CNTN6: variants seen among roughly 807,000 people sequenced by gnomAD.
CNTN6 encodes the protein contactin-6.
A neutral mutation model predicts 122.8 loss-of-function variants in CNTN6; 137 were observed. The ratio of observed to expected loss-of-function variants is 1.12; its 90% CI spans 0.97 to 1.29. CNTN6 has a LOEUF of 1.29. CNTN6 is among the 50% of genes most tolerant of loss of function. The pLI, the probability that CNTN6 is intolerant of heterozygous loss-of-function variation, is 0.00. For missense variants in CNTN6, 1,634 were observed against 1,223.4 expected (o/e 1.34, Z -5.01); for synonymous variants, 570 against 426.0 (o/e 1.34, Z -4.16).
intron 1 of CNTN6, among the ~76,000 whole-genome samples, chr3:1,114,823 T>G (rs1055387729): frequency 2.0e-5 from 3 of 152,056 alleles, no homozygotes; most frequent in Non-Finnish European, 4.4e-5. Flanking sequence ...CAATGAAACA[T>G]AGGAGAAAAA....
At chr3:1,245,041 C>T (rs949792739) in intron 4 of CNTN6, among the ~76,000 whole-genome samples, 20 of 148,422 alleles carry the variant, frequency 1.3e-4, no homozygotes, top group Non-Finnish European at 2.7e-4. Flanking sequence ...TGGATGTATA[C>T]GTGCAAGTTA....
intron 2 of CNTN6, among the ~76,000 whole-genome samples, chr3:1,194,962 A>G (rs919115331): frequency 1.3e-5 from 2 of 152,152 alleles, no homozygotes; most frequent in Non-Finnish European, 2.9e-5. Context: ...AGATTAAAAA[A>G]AAAGACTCCC....
At chr3:1,288,665 T>C (rs929132016) in intron 5 of CNTN6, among the ~76,000 whole-genome samples, 1 of 152,262 alleles carries the variant, frequency 6.6e-6, no homozygotes, top group African/African-American at 2.4e-5. Flanking sequence ...CAATAGAAGT[T>C]GTCAGTATCA....
chr3:1,399,651 C>T (rs897614112), intron 20 of CNTN6, among the ~76,000 whole-genome samples: 2 of 151,978 alleles, frequency 1.3e-5, no homozygotes, highest in Admixed American at 1.3e-4. Flanking sequence ...CTGCCCAGAG[C>T]CCAGTGCATA....
intron 1 of CNTN6, among the ~76,000 whole-genome samples, chr3:1,138,194 A>G (rs997428859): frequency 1.3e-5 from 2 of 152,224 alleles, no homozygotes; most frequent in Non-Finnish European, 2.9e-5. Context: ...GTGTAGTTAC[A>G]CAAGTGCAGG....
chr3:1,132,929 A>T (rs976032484), intron 1 of CNTN6, among the ~76,000 whole-genome samples: 1 of 152,156 alleles, frequency 6.6e-6, no homozygotes, highest in Non-Finnish European at 1.5e-5. Context: ...ACTCAAAATT[A>T]TTATTGCTTC....
chr3:1,346,741 C>T (rs924510548), intron 11 of CNTN6, among the ~76,000 whole-genome samples: 4 of 151,990 alleles, frequency 2.6e-5, no homozygotes, highest in South Asian at 4.1e-4. Flanking sequence ...ACCGGAAAAA[C>T]GAGGGTAAAA....
rs139479972 is a variant in CNTN6, at chr3:1,262,684, G to A, written c.359-15729G>A. On this transcript the variant is annotated intron_variant, in intron 4 of 22. Transcript: ENST00000446702. ...TTATGGCATTGTGCTAAAGACTATA[G>A]GTCATACTTTTTGGGATTTGAATCT... is the stretch of plus-strand genomic sequence containing the variant. Among the ~76,000 whole-genome samples, 1,443 of 152,130 alleles carry A rather than the reference G, an allele frequency of 9.5e-3. 11 individuals carry two copies. The highest frequency in any genetic ancestry group is 0.015 in the Non-Finnish European group (1,003 of 67,998).
chr3:1,184,440 C>G (rs2093602064), intron 2 of CNTN6, among the ~76,000 whole-genome samples: 1 of 152,042 alleles, frequency 6.6e-6, no homozygotes, highest in African/African-American at 2.4e-5. Flanking sequence ...TGCCTGTTAC[C>G]AAGCATTCTA....
intron 17 of CNTN6, among the ~76,000 whole-genome samples, chr3:1,380,960 G>A (rs1237685228): frequency 6.6e-6 from 1 of 152,000 alleles, no homozygotes; most frequent in Non-Finnish European, 1.5e-5. Flanking sequence ...TTCTGGCCTT[G>A]TTAAATAACT....
intron 5 of CNTN6, among the ~76,000 whole-genome samples, chr3:1,282,009 C>T (rs562665450): frequency 2.8e-4 from 41 of 145,264 alleles, no homozygotes; most frequent in African/African-American, 7.8e-4. Context: ...CACACACACA[C>T]ATAACTTTAT....
At position 1,258,801 on chromosome 3, in the gene CNTN6, T is replaced by C. The variant is rs1290766371; in HGVS notation, c.359-19612T>C. On this transcript the variant is annotated intron_variant, in intron 4 of 22. Transcript: ENST00000446702. ...CCTTTTTCTTAGAGTGCTTCCATTT[T>C]CTTTTCTCAGATGCACTTTGTAGCT... Among the ~76,000 whole-genome samples, 5 of 152,256 alleles carry C rather than the reference T, an allele frequency of 3.3e-5. No homozygotes were observed. In the East Asian group the frequency reaches 9.6e-4, roughly 29 times the overall value.
At chr3:1,306,705 CACTT>C (rs1276351964) in intron 7 of CNTN6, among the ~76,000 whole-genome samples, 1 of 152,124 alleles carries the variant, frequency 6.6e-6, no homozygotes, top group African/African-American at 2.4e-5. Flanking sequence ...CTATTAAGCT[CACTT>C]ACTAAATTTC....
intron 20 of CNTN6, among the ~76,000 whole-genome samples, chr3:1,399,645 C>G (rs1695426381): frequency 6.6e-6 from 1 of 151,962 alleles, no homozygotes; most frequent in Non-Finnish European, 1.5e-5. Context: ...ATGGATCTGC[C>G]CAGAGCCCAG....
At chr3:1,403,285 A>T in intron 22 of CNTN6, 33 bp from the exon 23 acceptor site, 1 of 1,453,446 alleles carries the variant, frequency 6.9e-7, no homozygotes, top group African/African-American at 1.4e-5. Context: ...ACTTTATCTC[A>T]AAATATTTTT....
chr3:1,381,082 T>G (rs968300122), intron 17 of CNTN6, among the ~76,000 whole-genome samples: 3 of 152,136 alleles, frequency 2.0e-5, no homozygotes, highest in African/African-American at 4.8e-5. Flanking sequence ...AGGTCTTTCT[T>G]GAGAGAGCAC....
chr3:1,264,730 T>G (rs546185342), intron 4 of CNTN6, among the ~76,000 whole-genome samples: 1 of 152,236 alleles, frequency 6.6e-6, no homozygotes, highest in East Asian at 1.9e-4. Flanking sequence ...TAAAATCTAC[T>G]CTTCTAGAAA....
chr3:1,328,936 T>G (rs953134164), intron 10 of CNTN6, among the ~76,000 whole-genome samples: 2 of 151,618 alleles, frequency 1.3e-5, no homozygotes, highest in African/African-American at 4.8e-5. Flanking sequence ...AAAACCGACA[T>G]AGTGATACAG....
At chr3:1,260,647 C>G (rs991650380) in intron 4 of CNTN6, among the ~76,000 whole-genome samples, 11 of 152,152 alleles carry the variant, frequency 7.2e-5, no homozygotes, top group Non-Finnish European at 1.0e-4. Flanking sequence ...CTCATAATCT[C>G]CACCTGTTGG....
Sources: gnomAD v4.1 joint callset for allele counts (sites outside exome capture counted in the v4.1 genomes callset) on GRCh38, gnomAD v4.1.1 for gene constraint, MANE v1.5 for transcripts, NCBI Gene and HGNC (gene_info 2026-07-23, HGNC 2026-07-21) for gene names.